Variants in FARP2 observed in about 807,000 individuals in gnomAD.
FARP2 encodes the protein FERM, ARHGEF and pleckstrin domain-containing protein 2.
A neutral mutation model predicts 130.5 loss-of-function variants in FARP2; 111 were observed. The ratio of observed to expected loss-of-function variants is 0.85; its 90% CI spans 0.73 to 1.00. FARP2 has a LOEUF of 1.00. Ranked by LOEUF, FARP2 falls within the 50% of genes least tolerant of loss-of-function variation. The pLI is 0.00. For missense variants in FARP2, 1,385 were observed against 1,346.3 expected (o/e 1.03, Z -0.45); for synonymous variants, 504 against 516.9 (o/e 0.98, Z 0.34).
chr2:241,388,682 G>A (rs983974582), intron 2 of FARP2, among the ~76,000 whole-genome samples: 1 of 152,090 alleles, frequency 6.6e-6, no homozygotes, highest in African/African-American at 2.4e-5. Flanking sequence ...AAAAAAATTA[G>A]CCAGGTGTGG....
Position 241,403,990 on chromosome 2 carries a change from G to A in FARP2, c.288+58G>A, listed in dbSNP as rs537276473. On this transcript the variant is annotated intron_variant, in intron 3 of 26. Coordinates refer to ENST00000264042, the MANE Select transcript of FARP2 (RefSeq NM_014808.4). ...CTTTGGGCCTGCTGTGATGACAGCCGCAAGATCTTTCATCATTGCCACATC... is the reference window on the plus strand; with the variant it reads ...CTTTGGGCCTGCTGTGATGACAGCCACAAGATCTTTCATCATTGCCACATC... 9.0e-5 allele frequency: 78 copies of A among 866,608 alleles called. No homozygotes were observed. The Middle Eastern group carries it at 1.8e-3, about 20-fold the overall frequency. 53.7% of individuals were successfully genotyped at this position (866,608 alleles called of 1,614,324 possible).
At chr2:241,436,106 G>T (rs1401797472) in intron 11 of FARP2, among the ~76,000 whole-genome samples, 1 of 149,346 alleles carries the variant, frequency 6.7e-6, no homozygotes. Context: ...TAGAGACGGG[G>T]TTTCATAATG....
chr2:241,479,088 G>T, intron 19 of FARP2: 1 of 475,614 alleles, frequency 2.1e-6, no homozygotes. Context: ...GAAGGAACCT[G>T]CTTTTGATCA....
chr2:241,465,379 TC>T, intron 17 of FARP2: 1 of 1,074,238 alleles, frequency 9.3e-7, no homozygotes, highest in South Asian at 1.3e-5. Context: ...CAGGGCAGAG[TC>T]CCCATAGCTG....
At chr2:241,397,735 C>T (rs762677567) in intron 2 of FARP2, among the ~76,000 whole-genome samples, 10 of 150,754 alleles carry the variant, frequency 6.6e-5, no homozygotes, top group Middle Eastern at 3.4e-3. Context: ...CAAGCAGAGG[C>T]GAAGTTCACA....
At chr2:241,407,882 C>A (rs1249295330) in intron 5 of FARP2, among the ~76,000 whole-genome samples, 1 of 152,198 alleles carries the variant, frequency 6.6e-6, no homozygotes, top group Admixed American at 6.5e-5. Flanking sequence ...TTACATTTTC[C>A]AAATGAACAT....
chr2:241,478,607 A>T, intron 19 of FARP2: 2 of 510,342 alleles, frequency 3.9e-6, no homozygotes, highest in Non-Finnish European at 8.0e-6. Context: ...GAACTACCTG[A>T]GACGTGGCAA....
chr2:241,441,506 A>C lies in FARP2; in HGVS notation c.1361A>C (p.Asp454Ala), dbSNP rs746070013. 4 of 1,613,824 alleles carry C rather than the reference A, an allele frequency of 2.5e-6. No homozygotes were observed. The highest frequency in any genetic ancestry group is 3.3e-5 in the Admixed American group (2 of 60,002). The change falls in exon 13 of 27, where the codon GAC becomes GCC. Residue 454 changes from aspartate to alanine, a missense_variant. Asp to Ala is a moderately radical substitution (Grantham distance 126). Coordinates refer to ENST00000264042, the MANE Select transcript of FARP2 (RefSeq NM_014808.4). ...RRSGAVAGGPDTPSAQPLGPP... is the reference protein window; with the variant it reads ...RRSGAVAGGPATPSAQPLGPP... ...AGTGGAGCAGTGGCTGGAGGCCCCG[A>C]CACACCATCGGCCCAGCCCCTCGGG...
chr2:241,478,444 C>T (rs950655785), intron 19 of FARP2: 5 of 258,570 alleles, frequency 1.9e-5, no homozygotes, highest in Non-Finnish European at 3.9e-5. Context: ...GGCTCTGGCT[C>T]AACATTGGTG....
intron 22 of FARP2, among the ~76,000 whole-genome samples, chr2:241,490,389 C>A (rs2064862288): frequency 6.6e-6 from 1 of 152,188 alleles, no homozygotes; most frequent in Admixed American, 6.5e-5. Context: ...CCCCAACCCT[C>A]ACGTCAAGAA....
intron 2 of FARP2, among the ~76,000 whole-genome samples, chr2:241,390,274 CT>C (rs941232348): frequency 1.3e-5 from 2 of 152,216 alleles, no homozygotes; most frequent in African/African-American, 4.8e-5. Flanking sequence ...TCTTATTTAC[CT>C]TTTTGATTTT....
chr2:241,428,002 G>A (rs372477193), intron 8 of FARP2, among the ~76,000 whole-genome samples: 68 of 151,996 alleles, frequency 4.5e-4, no homozygotes, highest in African/African-American at 1.4e-3. Flanking sequence ...TCCTGACCTC[G>A]TGATCCGCCC....
chr2:241,475,918 G>A lies in FARP2; in HGVS notation c.2193G>A (p.Glu731=), dbSNP rs768306017. 15 of 1,613,968 alleles carry A rather than the reference G, an allele frequency of 9.3e-6. No homozygotes were observed. The highest frequency in any genetic ancestry group is 1.2e-5 in the Non-Finnish European group (14 of 1,179,982). The stretch of plus-strand genomic sequence containing the variant: ...TACAGCACATTCTCATCCGGCTGGA[G>A]AACCTGCAGAAGCTAACGGAGCTGC... ...TTLQHILIRL[E]NLQKLTELQR... The change falls in exon 19 of 27, where the codon GAG becomes GAA. Residue 731 remains glutamate, a synonymous_variant. Coordinates refer to ENST00000264042, the MANE Select transcript of FARP2 (RefSeq NM_014808.4). This position sits in a 1 kb window ranked among gnomAD's most constrained non-coding sequence, Gnocchi z 4.4.
intron 2 of FARP2, among the ~76,000 whole-genome samples, chr2:241,397,883 G>A (rs2062069603): frequency 1.4e-5 from 2 of 143,684 alleles, no homozygotes; most frequent in Non-Finnish European, 3.0e-5. Context: ...AGGCTGGAGT[G>A]CAGTGGCGTG....
intron 13 of FARP2, among the ~76,000 whole-genome samples, chr2:241,449,472 A>G (rs1295148150): frequency 2.0e-5 from 3 of 152,158 alleles, no homozygotes; most frequent in Non-Finnish European, 4.4e-5. Context: ...ATCATTTGTT[A>G]GAGTTTTAAA....
At chr2:241,431,080 G>A (rs144716525) in intron 8 of FARP2, among the ~76,000 whole-genome samples, 1 of 152,200 alleles carries the variant, frequency 6.6e-6, no homozygotes, top group African/African-American at 2.4e-5. Flanking sequence ...AATATGAGGA[G>A]AGATACAAGT....
chr2:241,473,309 G>T (rs912947510), intron 18 of FARP2, among the ~76,000 whole-genome samples: 15 of 151,830 alleles, frequency 9.9e-5, no homozygotes, highest in Admixed American at 8.5e-4. Flanking sequence ...CTGTTCTGAA[G>T]GTACCCTCTT....
In FARP2 at chr2:241,417,986, T is replaced by C. The variant is rs1239298183; in HGVS notation, c.648T>C (p.Asp216=). The C allele has an allele frequency of 6.2e-7, 1 of 1,614,236 alleles. No individual in the cohort carries two copies. The highest frequency in any genetic ancestry group is 1.1e-5 in the South Asian group (1 of 91,088). ...GGGGCCAGACACCTGCTGAGTCGGA[T>C]TTCCAGGTGCTCGAAATTGCTCGAA... ...KHVGQTPAES[D]FQVLEIARKL... is the part of the protein sequence containing the mutation. Residue 216 remains aspartate, a synonymous_variant, in exon 8 of 27, where the codon GAT becomes GAC. Coordinates refer to ENST00000264042, the MANE Select transcript of FARP2 (RefSeq NM_014808.4).
chr2:241,435,908 ATTTTT>A (rs34703186), intron 11 of FARP2, among the ~76,000 whole-genome samples: 1 of 100,996 alleles, frequency 9.9e-6, no homozygotes. Flanking sequence ...AGTATAGTAA[ATTTTT>A]TTTTTTTTTT....
Sources: gnomAD v4.1 joint callset for allele counts (sites outside exome capture counted in the v4.1 genomes callset) on GRCh38, gnomAD v4.1.1 for gene constraint, Gnocchi (gnomAD v3.1) non-coding constraint, MANE v1.5 for transcripts, NCBI Gene and HGNC (gene_info 2026-07-23, HGNC 2026-07-21) for gene names.